TACC3: variants seen among roughly 807,000 people sequenced by gnomAD.
The protein encoded by TACC3 is transforming acidic coiled-coil containing protein 3.
In TACC3, 52 loss-of-function variants were observed where a neutral mutation model predicts 86.0. The ratio of observed to expected loss-of-function variants is 0.60; its 90% CI spans 0.48 to 0.76. The LOEUF (loss-of-function observed/expected upper bound fraction) is 0.76. Among genes scored for constraint, TACC3 ranks in the 30% least tolerant of loss-of-function variants. TACC3 has a pLI of 0.00. For missense variants in TACC3, 1,120 were observed against 1,070.4 expected, an observed-to-expected ratio of 1.05 and a Z score of -0.65; for synonymous variants, 512 against 430.0, an observed-to-expected ratio of 1.19 and a Z score of -2.36.
intron 13 of TACC3, 63 bp downstream of exon 13, chr4:1,741,049 C>G: frequency 6.7e-7 from 1 of 1,503,520 alleles, no homozygotes; most frequent in Non-Finnish European, 8.9e-7. Context: ...TCCAAGCCAG[C>G]GGGGCTACAA....
At chr4:1,739,292 AGT>A (rs879844095) in intron 10 of TACC3, 16 of 155,480 alleles carry the variant, frequency 1.0e-4, no homozygotes, top group Non-Finnish European at 1.6e-4. Flanking sequence ...TGGGCGACAG[AGT>A]GAGACTCTTG....
chr4:1,732,713 C>T (rs1346004570), intron 6 of TACC3, among the ~76,000 whole-genome samples: 2 of 152,246 alleles, frequency 1.3e-5, no homozygotes, highest in Non-Finnish European at 2.9e-5. Flanking sequence ...CCTGGAATCA[C>T]ACAGCACGGC....
Position 1,727,994 on chromosome 4 carries a change from GCC to G in TACC3, c.593_594del (p.Ala198ValfsTer2). The stretch of plus-strand genomic sequence containing the variant: ...TTCCTTAGACAGAAGAGTGACACCC[GCC>G]TCTGAGACCCTAGAAGACCCTTGCA... ...SYSLDRRVTP[A>X]SETLEDPCRT... On this transcript the variant is annotated frameshift_variant, in exon 4 of 16. Coordinates refer to ENST00000313288, the MANE Select transcript of TACC3 (RefSeq NM_006342.3). LOFTEE classifies it high-confidence loss of function. 1 of 1,613,366 alleles carries G rather than the reference GCC, an allele frequency of 6.2e-7. No homozygotes were observed. Among genetic ancestry groups the G allele is most frequent in the Admixed American group, 1.7e-5 (1 of 60,030 alleles).
chr4:1,725,851 A>G (rs1560294771), intron 3 of TACC3, among the ~76,000 whole-genome samples: 1 of 152,248 alleles, frequency 6.6e-6, no homozygotes, highest in Non-Finnish European at 1.5e-5. Context: ...TGTCATTCAG[A>G]GGACAGCCGA....
chr4:1,738,191 G>A, intron 10 of TACC3: 1 of 304,032 alleles, frequency 3.3e-6, no homozygotes, highest in Non-Finnish European at 6.5e-6. Context: ...TTGTCCCTAA[G>A]AGAGCTGTAG....
Position 1,744,538 on chromosome 4 carries a change from G to T in TACC3, c.2244G>T (p.Lys748Asn), listed in dbSNP as rs530142894. Residue 748 changes from lysine (K) to asparagine (N), a missense_variant, in exon 14 of 16, where the codon AAG becomes AAT. Physicochemically the swap from Lys to Asn is moderately conservative, Grantham distance 94. Transcript: ENST00000313288. ...GYRKNEESLK[K>N]CVEDYLARIT... ...CCTAGAACGAAGAGTCACTGAAGAA[G>T]TGCGTGGAGGATTACCTGGCAAGGA... 3 of 1,613,146 alleles carry T rather than the reference G, an allele frequency of 1.9e-6. No homozygotes were observed. The African/African-American group carries it at 4.0e-5, about 21-fold the overall frequency.
chr4:1,722,723 G>A (rs538433030), intron 1 of TACC3, among the ~76,000 whole-genome samples: 2 of 152,290 alleles, frequency 1.3e-5, no homozygotes, highest in South Asian at 4.1e-4. Flanking sequence ...GACTGGGAAC[G>A]CTGTAGACAG....
chr4:1,725,390 C>T (rs1717636629), intron 3 of TACC3, among the ~76,000 whole-genome samples: 2 of 152,216 alleles, frequency 1.3e-5, no homozygotes, highest in South Asian at 2.1e-4. Flanking sequence ...CCCCTCTACC[C>T]CTCCAGCCTG....
At position 1,735,851 on chromosome 4, in the gene TACC3, T is replaced by A; in HGVS notation, c.1748+17T>A. On this transcript the variant is annotated intron_variant, in intron 8 of 15. Coordinates refer to ENST00000313288, the MANE Select transcript of TACC3 (RefSeq NM_006342.3). The surrounding 1 kb of genome is among the most constrained non-coding windows in gnomAD (Gnocchi z 4.2). ...GACCAGCAGGTATGTGCGCCGGCCC[T>A]CCCTCATGCATGAAGCCTTGAGTGT... The A allele has an allele frequency of 6.5e-7, 1 of 1,550,070 alleles. No homozygotes were observed. Among genetic ancestry groups the A allele is most frequent in the Admixed American group, 1.7e-5 (1 of 57,602 alleles).
chr4:1,720,861 G>T (rs935380021), upstream of TACC3: 5 of 1,553,992 alleles, frequency 3.2e-6, no homozygotes, highest in African/African-American at 6.9e-5. This position sits in a 1 kb window ranked among gnomAD's most constrained non-coding sequence, Gnocchi z 4.4. Flanking sequence ...GGAAGCTGTC[G>T]AGCTAGGCCC....
chr4:1,740,000 T>C lies in TACC3; in HGVS notation c.2060T>C (p.Met687Thr). 2 of 1,612,986 alleles carry C rather than the reference T, an allele frequency of 1.2e-6. No homozygotes were observed. The highest frequency in any genetic ancestry group is 1.1e-5 in the South Asian group (1 of 91,088). ...TTCGAAGAGGTTGTGTACCAGGCCATGGGTGAGTGCCCGGGCCACCGAGGC... is the reference window on the plus strand; with the variant it reads ...TTCGAAGAGGTTGTGTACCAGGCCACGGGTGAGTGCCCGGGCCACCGAGGC... ...DRFEEVVYQA[M>T]EEVQKQKELS... The change falls in exon 12 of 16, where the codon ATG becomes ACG. Residue 687 changes from methionine to threonine, a missense_variant and splice_region_variant. Physicochemically the swap from Met to Thr is moderately conservative, Grantham distance 81. Coordinates refer to ENST00000313288, the MANE Select transcript of TACC3 (RefSeq NM_006342.3).
intron 6 of TACC3, among the ~76,000 whole-genome samples, chr4:1,732,638 G>A (rs978978215): frequency 6.6e-6 from 1 of 152,226 alleles, no homozygotes; most frequent in African/African-American, 2.4e-5. Flanking sequence ...CAGGATAGTT[G>A]TGGGCCGCCA....
chr4:1,737,995 G>C (rs775036662), intron 10 of TACC3: 1 of 488,554 alleles, frequency 2.0e-6, no homozygotes, highest in Non-Finnish European at 3.9e-6. Context: ...CAGTGAGTGT[G>C]GTTCTTGCTG....
At chr4:1,732,615 G>A (rs919122230) in intron 6 of TACC3, among the ~76,000 whole-genome samples, 1 of 152,228 alleles carries the variant, frequency 6.6e-6, no homozygotes, top group African/African-American at 2.4e-5. Flanking sequence ...TGGCATGTAG[G>A]GTTTGTCGCT....
At chr4:1,736,775 C>T (rs574948731) in intron 8 of TACC3, among the ~76,000 whole-genome samples, 4 of 152,178 alleles carry the variant, frequency 2.6e-5, no homozygotes, top group South Asian at 2.1e-4. Flanking sequence ...CCGGGTGAGG[C>T]GGCAGGCGCC....
chr4:1,731,388 G>T (rs977914918), intron 6 of TACC3, 87 bp downstream of exon 6: 1 of 1,482,824 alleles, frequency 6.7e-7, no homozygotes. Flanking sequence ...CTGCATCATC[G>T]GCAGGTGGTC....
chr4:1,730,143 A>G (rs1290387136), intron 4 of TACC3, among the ~76,000 whole-genome samples: 2 of 152,184 alleles, frequency 1.3e-5, no homozygotes, highest in Admixed American at 1.3e-4. Flanking sequence ...GGTTCACACC[A>G]TTCTCCTGCC....
rs34708887 is a variant in TACC3 at position 1,723,762 on chromosome 4, C to T, written c.197C>T (p.Thr66Met). The T allele has an allele frequency of 7.4e-5, 120 of 1,613,852 alleles. No individual in the cohort carries two copies. In the African/African-American group the frequency reaches 1.2e-3, roughly 16 times the overall value. ...TFQTPLRDPQ[T>M]HRILSPSMAS... ...CAGACACCTCTGCGGGATCCACAGA[C>T]GCACAGGATTCTAAGTCCTAGCATG... Residue 66 changes from threonine (T) to methionine (M), a missense_variant, in exon 3 of 16, where the codon ACG (threonine) becomes ATG (methionine). By Grantham distance (81) the Thr-to-Met change is moderately conservative. Transcript: ENST00000313288.
chr4:1,730,971 T>A lies in TACC3; in HGVS notation c.1461+9T>A. The A allele has an allele frequency of 6.2e-7, 1 of 1,613,266 alleles. No individual in the cohort carries two copies. The highest frequency in any genetic ancestry group is 8.5e-7 in the Non-Finnish European group (1 of 1,179,970). On this transcript the variant is annotated intron_variant, in intron 5 of 15. Transcript: ENST00000313288. The stretch of plus-strand genomic sequence containing the variant: ...CAACAGCAGAGAGCAAGGTAAGGGG[T>A]GCTTGTGTGGGTACCTGTGCTCCTG...
Sources: gnomAD v4.1 joint callset for allele counts (sites outside exome capture counted in the v4.1 genomes callset) on GRCh38, gnomAD v4.1.1 for gene constraint, Gnocchi (gnomAD v3.1) non-coding constraint, MANE v1.5 for transcripts, NCBI Gene and HGNC (gene_info 2026-07-23, HGNC 2026-07-21) for gene names.